LHFPL3: variants seen among roughly 807,000 people sequenced by gnomAD.
The protein encoded by LHFPL3 is LHFPL tetraspan subfamily member 3 protein.
Under a neutral mutation model 19.3 loss-of-function variants are expected in LHFPL3, and 5 were observed. That is an observed-to-expected ratio of 0.26 (90% CI 0.14 to 0.54). LHFPL3 has a LOEUF of 0.54. LHFPL3 is among the 20% of genes least tolerant of loss of function. The pLI, the probability that LHFPL3 is intolerant of heterozygous loss-of-function variation, is 0.94. For synonymous variants in LHFPL3, 133 were observed against 126.2 expected (o/e 1.05, Z -0.36); for missense variants, 249 against 307.4 (o/e 0.81, Z 1.42).
chr7:104,396,123 C>G (rs1417549074), intron 1 of LHFPL3, among the ~76,000 whole-genome samples: 1 of 152,144 alleles, frequency 6.6e-6, no homozygotes, highest in East Asian at 1.9e-4. Flanking sequence ...GATGGCCACT[C>G]TATTGCTTTG....
At position 104,594,406 on chromosome 7, in the gene LHFPL3, G is replaced by A. The variant is rs186505749; in HGVS notation, c.446-142269G>A. Reference sequence around the variant, plus strand: ...TTGTAGGGTTTCTGCTGAGAGATCCGCTGTTAGTCTGATGGGCTTCCCTCT... The same window carrying A: ...TTGTAGGGTTTCTGCTGAGAGATCCACTGTTAGTCTGATGGGCTTCCCTCT... On this transcript the variant is annotated intron_variant, in intron 1 of 2. Transcript: ENST00000424859. Among the ~76,000 whole-genome samples the A allele has an allele frequency of 3.7e-3, 571 of 152,278 alleles. 2 individuals carry two copies. Among genetic ancestry groups the A allele is most frequent in the Admixed American group, 8.6e-3 (132 of 15,300 alleles).
At chr7:104,527,187 CA>C (rs1794204887) in intron 1 of LHFPL3, among the ~76,000 whole-genome samples, 1 of 152,132 alleles carries the variant, frequency 6.6e-6, no homozygotes, top group Non-Finnish European at 1.5e-5. Flanking sequence ...GAGAGTTGGG[CA>C]GGGGGCGGAT....
At chr7:104,667,847 T>C (rs1421047408) in intron 1 of LHFPL3, 2 of 1,611,548 alleles carry the variant, frequency 1.2e-6, no homozygotes, top group Non-Finnish European at 1.7e-6. Flanking sequence ...GAAGCACCTA[T>C]GTTTCCAAAC....
intron 1 of LHFPL3, among the ~76,000 whole-genome samples, chr7:104,701,589 A>G (rs547703602): frequency 6.6e-6 from 1 of 152,222 alleles, no homozygotes; most frequent in Non-Finnish European, 1.5e-5. Flanking sequence ...TGAAGAGGAC[A>G]AGGAAAAGGA....
At chr7:104,534,594 A>C (rs1794360705) in intron 1 of LHFPL3, among the ~76,000 whole-genome samples, 1 of 152,206 alleles carries the variant, frequency 6.6e-6, no homozygotes. Context: ...CTACAGTTTA[A>C]AGAATTCCTA....
chr7:104,375,125 G>A (rs1790686189), intron 1 of LHFPL3, among the ~76,000 whole-genome samples: 1 of 152,176 alleles, frequency 6.6e-6, no homozygotes, highest in Non-Finnish European at 1.5e-5. Flanking sequence ...GATCACTTGA[G>A]GTCAGGAATT....
chr7:104,635,155 A>T (rs1407213536), intron 1 of LHFPL3, among the ~76,000 whole-genome samples: 1 of 152,166 alleles, frequency 6.6e-6, no homozygotes, highest in Admixed American at 6.5e-5. Flanking sequence ...GAACAAAAAG[A>T]TTATAGACAA....
chr7:104,811,163 TTTC>T (rs1201786572), intron 2 of LHFPL3, among the ~76,000 whole-genome samples: 7 of 5,452 alleles, frequency 1.3e-3, no homozygotes, highest in Non-Finnish European at 6.4e-3. Flanking sequence ...TCTTTCTTTC[TTTC>T]TTTCTTTTCT....
At chr7:104,714,345 G>GT (rs1224670339) in intron 1 of LHFPL3, among the ~76,000 whole-genome samples, 2 of 152,016 alleles carry the variant, frequency 1.3e-5, no homozygotes, top group African/African-American at 2.4e-5. Context: ...CCATAGATTG[G>GT]TCATAGCCAA....
At chr7:104,376,495 A>G (rs1292576734) in intron 1 of LHFPL3, among the ~76,000 whole-genome samples, 1 of 152,204 alleles carries the variant, frequency 6.6e-6, no homozygotes, top group African/African-American at 2.4e-5. Context: ...GAGGGTCACA[A>G]TGGGAATTTT....
chr7:104,513,935 C>T (rs1336822012), intron 1 of LHFPL3, among the ~76,000 whole-genome samples: 1 of 151,978 alleles, frequency 6.6e-6, no homozygotes, highest in African/African-American at 2.4e-5. Context: ...TAGAAACTGA[C>T]AGGACAGGGT....
chr7:104,447,429 A>C (rs1792350454), intron 1 of LHFPL3, among the ~76,000 whole-genome samples: 1 of 152,212 alleles, frequency 6.6e-6, no homozygotes, highest in African/African-American at 2.4e-5. Context: ...CTATTGAACT[A>C]GGTGAGTGAT....
chr7:104,449,421 C>T (rs1792389159), intron 1 of LHFPL3, among the ~76,000 whole-genome samples: 1 of 152,064 alleles, frequency 6.6e-6, no homozygotes, highest in African/African-American at 2.4e-5. Context: ...GAGCCAATTT[C>T]TAAATGTACT....
intron 1 of LHFPL3, among the ~76,000 whole-genome samples, chr7:104,603,126 CTTTCTTTTTTCCCTT>C (rs1791014832): frequency 9.9e-6 from 1 of 101,056 alleles, no homozygotes; most frequent in African/African-American, 3.8e-5. Flanking sequence ...TTCTTTCTTT[CTTTCTTTTTTCCCTT>C]CCTTCCTTCC....
At chr7:104,575,580 A>C (rs1158525227) in intron 1 of LHFPL3, among the ~76,000 whole-genome samples, 1 of 149,680 alleles carries the variant, frequency 6.7e-6, no homozygotes, top group African/African-American at 2.4e-5. Flanking sequence ...AAAAAAAAAA[A>C]AAAAAACAGA....
chr7:104,394,439 A>T (rs910477904), intron 1 of LHFPL3, among the ~76,000 whole-genome samples: 2 of 152,164 alleles, frequency 1.3e-5, no homozygotes, highest in African/African-American at 4.8e-5. Context: ...GATTCTTTAA[A>T]AATTTTTTTC....
At chr7:104,353,087 A>G (rs544666472) in intron 1 of LHFPL3, among the ~76,000 whole-genome samples, 7 of 152,284 alleles carry the variant, frequency 4.6e-5, no homozygotes, top group South Asian at 2.1e-4. Context: ...TTTGTTTGCA[A>G]TGTATGTATA....
intron 2 of LHFPL3, among the ~76,000 whole-genome samples, chr7:104,820,082 T>C (rs1790648600): frequency 6.6e-6 from 1 of 152,170 alleles, no homozygotes; most frequent in South Asian, 2.1e-4. Context: ...ATTGAACTCA[T>C]CAGGACATTT....
intron 1 of LHFPL3, among the ~76,000 whole-genome samples, chr7:104,529,395 C>T (rs1177785872): frequency 6.6e-6 from 1 of 152,124 alleles, no homozygotes; most frequent in Non-Finnish European, 1.5e-5. Context: ...CCTAAGAAAC[C>T]TAGGCTCTTT....
Sources: gnomAD v4.1 joint callset for allele counts (sites outside exome capture counted in the v4.1 genomes callset) on GRCh38, gnomAD v4.1.1 for gene constraint, MANE v1.5 for transcripts, NCBI Gene and HGNC (gene_info 2026-07-23, HGNC 2026-07-21) for gene names.